CABCOCO1: variants seen among roughly 807,000 people sequenced by gnomAD.
CABCOCO1 encodes the protein ciliary-associated calcium-binding coiled-coil protein 1.
Under a neutral mutation model 35.7 loss-of-function variants are expected in CABCOCO1, and 28 were observed. That is an observed-to-expected ratio of 0.78 (90% CI 0.58 to 1.07). CABCOCO1 has a LOEUF of 1.07. Ranked by LOEUF, CABCOCO1 falls within the 50% of genes least tolerant of loss-of-function variation. CABCOCO1 has a pLI of 0.00. For synonymous variants in CABCOCO1, 95 were observed against 100.1 expected (o/e 0.95, Z 0.30); for missense variants, 326 against 309.2 (o/e 1.05, Z -0.41).
intron 5 of CABCOCO1, among the ~76,000 whole-genome samples, chr10:61,734,759 C>T (rs925485247): frequency 6.6e-6 from 1 of 151,906 alleles, no homozygotes; most frequent in African/African-American, 2.4e-5. Context: ...GTAGGAATGG[C>T]CATTATCAAA....
intron 2 of CABCOCO1, among the ~76,000 whole-genome samples, chr10:61,680,885 GA>G (rs1298114146): frequency 6.6e-6 from 1 of 150,714 alleles, no homozygotes; most frequent in Non-Finnish European, 1.5e-5. Flanking sequence ...GAAAGAAGGG[GA>G]AGGGGAGAGA....
Position 61,703,331 on chromosome 10 carries a change from CT to C in CABCOCO1, c.552+12711del, listed in dbSNP as rs574773393. ...ATTATTCAAGGAATTTTTTTCGCCC[CT>C]ATTCAATACACAGTAACTTAAATAA... On this transcript the variant is annotated intron_variant, in intron 5 of 7. Transcript: ENST00000648843. Among the ~76,000 whole-genome samples, 781 of 151,306 alleles carry C rather than the reference CT, an allele frequency of 5.2e-3. 5 individuals are homozygous for C. Among genetic ancestry groups the C allele is most frequent in the Non-Finnish European group, 9.2e-3 (624 of 67,808 alleles).
intron 2 of CABCOCO1, among the ~76,000 whole-genome samples, chr10:61,676,310 T>G (rs567893703): frequency 3.5e-4 from 53 of 152,270 alleles, no homozygotes; most frequent in African/African-American, 1.2e-3. Flanking sequence ...AACAAAAAAC[T>G]GCCAATGAGA....
At chr10:61,691,278 G>C (rs2131995765) in intron 5 of CABCOCO1, among the ~76,000 whole-genome samples, 1 of 152,222 alleles carries the variant, frequency 6.6e-6, no homozygotes, top group African/African-American at 2.4e-5. Context: ...TGAAGACAAG[G>C]ATATCTGCTG....
At chr10:61,668,783 C>G (rs572063701) in intron 1 of CABCOCO1, among the ~76,000 whole-genome samples, 7 of 151,492 alleles carry the variant, frequency 4.6e-5, no homozygotes, top group Admixed American at 2.0e-4. Context: ...GTGAACGAGG[C>G]ACTCTCCTTG....
intron 5 of CABCOCO1, among the ~76,000 whole-genome samples, chr10:61,708,588 A>T (rs751665143): frequency 3.3e-5 from 5 of 152,002 alleles, no homozygotes; most frequent in Non-Finnish European, 5.9e-5. Flanking sequence ...CTGTGTCCTC[A>T]CTTGGTGGAA....
intron 1 of CABCOCO1, 114 bp downstream of exon 1, chr10:61,663,146 C>G (rs981164171): frequency 2.4e-5 from 5 of 208,314 alleles, no homozygotes; most frequent in Non-Finnish European, 4.5e-5. Context: ...GAAGAGGCGC[C>G]GCACGTCTGG....
In CABCOCO1 at chr10:61,765,967, A is replaced by T. The variant is rs749291153; in HGVS notation, c.845A>T (p.Gln282Leu). Reference protein sequence around the residue: ...QTEINEKLQIQEEAFNARIEK... With the variant: ...QTEINEKLQILEEAFNARIEK... ...GAGATAAACGAAAAACTGCAAATAC[A>T]GGAAGAGGCCTTTAATGCACGAATA... The change falls in exon 8 of 8, where the codon CAG (glutamine) becomes CTG (leucine). Residue 282 changes from glutamine to leucine, a missense_variant. Gln to Leu is a moderately radical substitution (Grantham distance 113, BLOSUM62 -2). Coordinates refer to ENST00000648843, the MANE Select transcript of CABCOCO1 (RefSeq NM_001366906.2). 3 of 1,613,354 alleles carry T rather than the reference A, an allele frequency of 1.9e-6. No homozygotes were observed. The highest frequency in any genetic ancestry group is 2.5e-6 in the Non-Finnish European group (3 of 1,179,600).
At chr10:61,696,970 A>T (rs1470429312) in intron 5 of CABCOCO1, among the ~76,000 whole-genome samples, 1 of 152,144 alleles carries the variant, frequency 6.6e-6, no homozygotes, top group African/African-American at 2.4e-5. Context: ...AAAAATATGT[A>T]TTTCTTAAAT....
At chr10:61,679,548 T>C (rs1839643459) in intron 2 of CABCOCO1, among the ~76,000 whole-genome samples, 3 of 152,160 alleles carry the variant, frequency 2.0e-5, no homozygotes, top group African/African-American at 7.2e-5. Context: ...AAATAAATGC[T>C]AGAATAATTG....
intron 7 of CABCOCO1, among the ~76,000 whole-genome samples, chr10:61,761,991 C>T (rs1842019306): frequency 6.6e-6 from 1 of 152,014 alleles, no homozygotes; most frequent in Non-Finnish European, 1.5e-5. Flanking sequence ...TGGAAGAACA[C>T]GTTTTACACA....
At chr10:61,746,636 G>A (rs1841668150) in intron 5 of CABCOCO1, among the ~76,000 whole-genome samples, 1 of 152,038 alleles carries the variant, frequency 6.6e-6, no homozygotes, top group Non-Finnish European at 1.5e-5. Context: ...TGTGTTCTAA[G>A]CATCCATGTT....
At chr10:61,719,073 T>G (rs1325561432) in intron 5 of CABCOCO1, among the ~76,000 whole-genome samples, 1 of 152,240 alleles carries the variant, frequency 6.6e-6, no homozygotes, top group Admixed American at 6.5e-5. Context: ...TATTTACTAA[T>G]GGAATAAAAT....
chr10:61,667,111 T>TAA (rs1839207473), intron 1 of CABCOCO1, among the ~76,000 whole-genome samples: 1 of 143,826 alleles, frequency 7.0e-6, no homozygotes. Flanking sequence ...TATATAAATA[T>TAA]AATTATATAT....
intron 3 of CABCOCO1, 77 bp downstream of exon 3, chr10:61,681,389 A>C: frequency 9.0e-7 from 1 of 1,113,202 alleles, no homozygotes; most frequent in Non-Finnish European, 1.3e-6. Context: ...CAAAAGTTAC[A>C]GATTTTATTG....
At chr10:61,741,524 T>C (rs896633256) in intron 5 of CABCOCO1, among the ~76,000 whole-genome samples, 6 of 152,200 alleles carry the variant, frequency 3.9e-5, no homozygotes, top group Non-Finnish European at 5.9e-5. Context: ...GAAAACTTGC[T>C]AAATGTTTTC....
intron 5 of CABCOCO1, among the ~76,000 whole-genome samples, chr10:61,708,827 C>A (rs554228012): frequency 1.3e-5 from 2 of 152,126 alleles, no homozygotes; most frequent in Non-Finnish European, 2.9e-5. Flanking sequence ...TAAATACCTA[C>A]AAAATAGGGC....
intron 4 of CABCOCO1, among the ~76,000 whole-genome samples, chr10:61,690,052 C>A: frequency 6.6e-6 from 1 of 152,022 alleles, no homozygotes; most frequent in East Asian, 1.9e-4. Flanking sequence ...GTTCATGCGC[C>A]ATTTTTCAGG....
rs35152499 is a variant in CABCOCO1, at chr10:61,703,227, GACACACACAC to G, written c.552+12639_552+12648del. Among the ~76,000 whole-genome samples, 253 of 141,586 alleles carry G rather than the reference GACACACACAC, an allele frequency of 1.8e-3. 1 individual carries two copies. The highest frequency in any genetic ancestry group is 7.0e-3 in the Middle Eastern group (2 of 286). The allele number at this position is 141,586 out of a possible 152,430, so 92.9% of individuals were successfully genotyped here. On this transcript the variant is annotated intron_variant, in intron 5 of 7. Transcript: ENST00000648843. ...ATAAATGTACAAAGGCTTGTGAGGA[GACACACACAC>G]ACACACACACACACACACACACACA...
Sources: gnomAD v4.1 joint callset for allele counts (sites outside exome capture counted in the v4.1 genomes callset) on GRCh38, gnomAD v4.1.1 for gene constraint, MANE v1.5 for transcripts, NCBI Gene and HGNC (gene_info 2026-07-23, HGNC 2026-07-21) for gene names.